PABPC4L: variants seen among roughly 807,000 people sequenced by gnomAD.
PABPC4L encodes the protein polyadenylate-binding protein 4-like.
For missense variants in PABPC4L, 452 were observed against 451.4 expected (o/e 1.00, Z -0.01); for synonymous variants, 169 against 164.1 (o/e 1.03, Z -0.23).
chr4:133,990,666 T>G, the PABPC4L span, among the ~76,000 whole-genome samples: 1 of 152,066 alleles, frequency 6.6e-6, no homozygotes, highest in Non-Finnish European at 1.5e-5. Context: ...GATGATTGCA[T>G]TTATTTAGTA....
chr4:134,095,556 C>G, the PABPC4L span, among the ~76,000 whole-genome samples: 1 of 151,960 alleles, frequency 6.6e-6, no homozygotes, highest in African/African-American at 2.4e-5. Context: ...GTAGTGATCA[C>G]ATATTGCATC....
the PABPC4L span, among the ~76,000 whole-genome samples, chr4:134,100,176 G>A: frequency 1.2e-4 from 18 of 151,738 alleles, 1 homozygote; most frequent in Admixed American, 1.1e-3. Flanking sequence ...AATGTGGCTT[G>A]AACTCCAAGC....
At chr4:134,049,063 G>A in the PABPC4L span, among the ~76,000 whole-genome samples, 3 of 152,076 alleles carry the variant, frequency 2.0e-5, no homozygotes, top group African/African-American at 7.2e-5. Flanking sequence ...AAGAATCCAG[G>A]TCTACATGAA....
At chr4:134,000,961 A>T in the PABPC4L span, among the ~76,000 whole-genome samples, 1 of 152,094 alleles carries the variant, frequency 6.6e-6, no homozygotes, top group Non-Finnish European at 1.5e-5. Flanking sequence ...TCAGGAGGCA[A>T]CACTTCATAA....
At chr4:134,072,028 T>C in the PABPC4L span, among the ~76,000 whole-genome samples, 3 of 145,634 alleles carry the variant, frequency 2.1e-5, no homozygotes, top group Admixed American at 2.1e-4. Context: ...ATGGACAAAT[T>C]AATATAAGCA....
At chr4:134,074,498 T>G in the PABPC4L span, among the ~76,000 whole-genome samples, 1 of 152,134 alleles carries the variant, frequency 6.6e-6, no homozygotes, top group African/African-American at 2.4e-5. Flanking sequence ...CCTATCTTAT[T>G]TTGAGCCCCC....
chr4:134,088,723 T>C, the PABPC4L span, among the ~76,000 whole-genome samples: 1 of 152,054 alleles, frequency 6.6e-6, no homozygotes, highest in African/African-American at 2.4e-5. Flanking sequence ...GGCACCTTGA[T>C]ATGGGGCTTC....
the PABPC4L span, among the ~76,000 whole-genome samples, chr4:133,961,989 C>T: frequency 6.6e-6 from 1 of 152,130 alleles, no homozygotes; most frequent in Non-Finnish European, 1.5e-5. Context: ...AGGGGCTTGC[C>T]GCCATCTTGG....
the PABPC4L span, among the ~76,000 whole-genome samples, chr4:134,178,548 T>A: frequency 9.9e-5 from 15 of 151,874 alleles, no homozygotes; most frequent in Non-Finnish European, 1.5e-5. Context: ...CAAGCTGAAA[T>A]GGCTAAAATG....
the PABPC4L span, among the ~76,000 whole-genome samples, chr4:134,031,277 AT>A: frequency 2.0e-5 from 3 of 151,858 alleles, no homozygotes; most frequent in Admixed American, 6.6e-5. Context: ...GTTTTTCTAC[AT>A]TTTTTTCCTA....
the PABPC4L span, among the ~76,000 whole-genome samples, chr4:134,148,191 T>A: frequency 2.0e-5 from 3 of 152,242 alleles, no homozygotes; most frequent in Middle Eastern, 3.4e-3. Flanking sequence ...ACTGAACCAT[T>A]CCAAGTATTT....
chr4:134,014,052 C>T, the PABPC4L span, among the ~76,000 whole-genome samples: 1 of 152,136 alleles, frequency 6.6e-6, no homozygotes, highest in Non-Finnish European at 1.5e-5. Flanking sequence ...AGTGTTTAGG[C>T]TCTTTTTCAT....
chr4:133,992,654 A>G, the PABPC4L span, among the ~76,000 whole-genome samples: 2 of 152,182 alleles, frequency 1.3e-5, no homozygotes, highest in Non-Finnish European at 2.9e-5. Context: ...GGGTGGATCT[A>G]AGAGATGAGG....
At chr4:134,148,118 T>C in the PABPC4L span, among the ~76,000 whole-genome samples, 2 of 152,090 alleles carry the variant, frequency 1.3e-5, no homozygotes, top group East Asian at 3.9e-4. Context: ...CCTTCTGTGC[T>C]GTCAGAACAA....
chr4:133,953,744 G>A, the PABPC4L span, among the ~76,000 whole-genome samples: 5 of 152,128 alleles, frequency 3.3e-5, no homozygotes, highest in Non-Finnish European at 7.4e-5. Flanking sequence ...TGCCCAGATG[G>A]CAGGACTCAT....
At chr4:134,133,050 A>C in the PABPC4L span, among the ~76,000 whole-genome samples, 1 of 139,106 alleles carries the variant, frequency 7.2e-6, no homozygotes, top group East Asian at 2.1e-4. Flanking sequence ...TACATTATAT[A>C]TATTATTTTG....
the PABPC4L span, among the ~76,000 whole-genome samples, chr4:134,063,018 C>T: frequency 6.6e-6 from 1 of 152,076 alleles, no homozygotes; most frequent in Non-Finnish European, 1.5e-5. Context: ...AGTCTTCTCT[C>T]ATTGAACAAC....
chr4:134,071,096 G>A, the PABPC4L span, among the ~76,000 whole-genome samples: 38 of 152,270 alleles, frequency 2.5e-4, 1 homozygote, highest in Middle Eastern at 6.8e-3. Flanking sequence ...TGTTTGTGGA[G>A]GTCATAAGGT....
the PABPC4L span, among the ~76,000 whole-genome samples, chr4:134,033,802 G>T: frequency 3.3e-5 from 5 of 151,782 alleles, no homozygotes; most frequent in African/African-American, 4.8e-5. Context: ...GAGATTCAAG[G>T]AATGAAGGAA....
Sources: allele counts gnomAD v4.1 joint callset (sites outside exome capture counted in the v4.1 genomes callset), GRCh38; gene constraint gnomAD v4.1.1; transcripts MANE v1.5; gene names NCBI Gene and HGNC (gene_info 2026-07-23, HGNC 2026-07-21).